MYOF: variants seen among roughly 807,000 people sequenced by gnomAD.
MYOF encodes myoferlin, also known as fer-1-like 3, myoferlin.
Under a neutral mutation model 284.2 loss-of-function variants are expected in MYOF, and 244 were observed. The observed-to-expected ratio is 0.86, with a 90% CI of 0.77 to 0.95. MYOF has a LOEUF of 0.95. MYOF is among the 40% of genes least tolerant of loss of function. The pLI, the probability that MYOF is intolerant of heterozygous loss-of-function variation, is 0.00. For missense variants in MYOF, 2,496 were observed against 2,560.6 expected, an observed-to-expected ratio of 0.97 and a Z score of 0.54; for synonymous variants, 904 against 919.7, an observed-to-expected ratio of 0.98 and a Z score of 0.31.
intron 1 of MYOF, among the ~76,000 whole-genome samples, chr10:93,476,754 A>C (rs1312276594): frequency 6.6e-6 from 1 of 152,224 alleles, no homozygotes; most frequent in Non-Finnish European, 1.5e-5. Context: ...AAGACTACAA[A>C]GTTTGATATG....
In MYOF at chr10:93,344,263, C is replaced by T. The variant is rs368773069; in HGVS notation, c.4250-331G>A. Among the ~76,000 whole-genome samples, 6 of 152,206 alleles carry T rather than the reference C, an allele frequency of 3.9e-5. No homozygotes were observed. The East Asian group carries it at 9.7e-4, about 25-fold the overall frequency. On this transcript the variant is annotated intron_variant, in intron 37 of 53. Coordinates refer to ENST00000359263, the MANE Select transcript of MYOF (RefSeq NM_013451.4). Reference sequence around the variant, plus strand: ...GAGGGTGCAGGAGTAAGTGGGGAACCGACATTTTTTAATTTCAATAGCTTT... The same window carrying T: ...GAGGGTGCAGGAGTAAGTGGGGAACTGACATTTTTTAATTTCAATAGCTTT...
At chr10:93,317,292 T>C (rs1842655168) in intron 49 of MYOF, among the ~76,000 whole-genome samples, 2 of 144,572 alleles carry the variant, frequency 1.4e-5, no homozygotes, top group Non-Finnish European at 3.0e-5. Context: ...AGATTCTACT[T>C]CTGCTCTTTT....
intron 51 of MYOF, among the ~76,000 whole-genome samples, chr10:93,311,346 A>G (rs979157115): frequency 6.6e-6 from 1 of 151,808 alleles, no homozygotes; most frequent in African/African-American, 2.4e-5. Flanking sequence ...GCAGTGGCTT[A>G]TGCCTGTAAT....
chr10:93,397,541 T>TTA, intron 13 of MYOF, 85 bp from the exon 14 acceptor site: 1 of 968,984 alleles, frequency 1.0e-6, no homozygotes, highest in Admixed American at 2.8e-5. Flanking sequence ...GATTATGACT[T>TTA]TAGCAGTTTA....
Position 93,359,721 on chromosome 10 carries a change from T to G in MYOF, c.3120+112A>C, listed in dbSNP as rs569987317. 1.6e-5 allele frequency: 22 copies of G among 1,399,490 alleles called. No homozygotes were observed. The East Asian group carries it at 4.4e-4, about 28-fold the overall frequency. The allele number at this position is 1,399,490 out of a possible 1,614,324, so 86.7% of individuals were successfully genotyped here. A position where few individuals can be genotyped will look rare whatever the true frequency, so the allele number is the denominator to read the frequency against. ...TCACTTTGAGAACCCTTGAGTGGAG[T>G]GTTAGGCTCTGGATTTGCAAATAAT... On this transcript the variant is annotated intron_variant, in intron 29 of 53. Coordinates refer to ENST00000359263, the MANE Select transcript of MYOF (RefSeq NM_013451.4).
At chr10:93,443,168 AT>A (rs57907640) in intron 3 of MYOF, among the ~76,000 whole-genome samples, 28 of 151,912 alleles carry the variant, frequency 1.8e-4, no homozygotes, top group African/African-American at 6.0e-4. Context: ...CTCACAAAAA[AT>A]TTTTTTTAAA....
At position 93,380,097 on chromosome 10, in the gene MYOF, T is replaced by C. The variant is rs1309176917; in HGVS notation, c.1877-110A>G. On this transcript the variant is annotated intron_variant, in intron 20 of 53. Transcript: ENST00000359263. ...CTGATTAATCCACAGGCTTGGGGAA[T>C]AGCTTGAGGTGGTCTGGTTCTTTAA... The C allele has an allele frequency of 6.8e-6, 9 of 1,328,652 alleles. No homozygotes were observed. In the African/African-American group the frequency reaches 1.3e-4, roughly 20 times the overall value. The allele number at this position is 1,328,652 out of a possible 1,614,324, so 82.3% of individuals were successfully genotyped here. A position where few individuals can be genotyped will look rare whatever the true frequency, so the allele number is the denominator to read the frequency against.
chr10:93,455,084 G>C (rs2056707084), intron 2 of MYOF, among the ~76,000 whole-genome samples: 1 of 149,112 alleles, frequency 6.7e-6, no homozygotes. Context: ...GAGGTCGACA[G>C]TTCGAGACCA....
At chr10:93,373,970 C>T (rs138148607) in intron 23 of MYOF, among the ~76,000 whole-genome samples, 263 of 152,296 alleles carry the variant, frequency 1.7e-3, no homozygotes, top group African/African-American at 5.9e-3. Flanking sequence ...ATCAACTCAT[C>T]ATTTACGTTA....
intron 5 of MYOF, among the ~76,000 whole-genome samples, chr10:93,420,479 T>C (rs1386866768): frequency 6.6e-6 from 1 of 152,152 alleles, no homozygotes; most frequent in Non-Finnish European, 1.5e-5. Flanking sequence ...TGCCCTAAGG[T>C]CTCTACCTTT....
At chr10:93,400,624 T>C (rs1847240338) in intron 12 of MYOF, among the ~76,000 whole-genome samples, 1 of 151,922 alleles carries the variant, frequency 6.6e-6, no homozygotes, top group Non-Finnish European at 1.5e-5. Context: ...TCCTGGGGAC[T>C]TGGAGAAGGG....
chr10:93,372,480 C>T (rs577908034), intron 24 of MYOF, among the ~76,000 whole-genome samples: 47 of 152,206 alleles, frequency 3.1e-4, no homozygotes, highest in Non-Finnish European at 4.7e-4. Flanking sequence ...CCTAAAGTTA[C>T]GATTGTCAAA....
intron 1 of MYOF, among the ~76,000 whole-genome samples, chr10:93,460,582 G>C (rs1589604861): frequency 8.8e-4 from 1 of 1,132 alleles, no homozygotes; most frequent in African/African-American, 9.4e-4. Context: ...TGGACAACAT[G>C]GGTGAAACCC....
At chr10:93,396,359 T>C (rs1489596181) in intron 15 of MYOF, 135 bp from the exon 16 acceptor site, 2 of 590,708 alleles carry the variant, frequency 3.4e-6, no homozygotes, top group East Asian at 6.0e-5. Context: ...TAATCACGTC[T>C]AGTGGGCCTC....
At chr10:93,348,540 G>GCTAGT (rs1158216867) in intron 36 of MYOF, among the ~76,000 whole-genome samples, 1 of 152,128 alleles carries the variant, frequency 6.6e-6, no homozygotes, top group African/African-American at 2.4e-5. Context: ...GCTGACCAAG[G>GCTAGT]CTAGATTCCA....
intron 51 of MYOF, among the ~76,000 whole-genome samples, chr10:93,311,949 A>G (rs1409531272): frequency 4.6e-5 from 7 of 152,230 alleles, no homozygotes; most frequent in African/African-American, 1.7e-4. Flanking sequence ...GGGAGGGAGC[A>G]ATGGACTGCA....
At chr10:93,455,674 T>TA (rs536136291) in intron 2 of MYOF, among the ~76,000 whole-genome samples, 406 of 150,900 alleles carry the variant, frequency 2.7e-3, no homozygotes, top group Non-Finnish European at 5.2e-3. Flanking sequence ...AACAAACAAA[T>TA]AAAAAAAAAC....
At chr10:93,406,006 G>T (rs916097467) in intron 7 of MYOF, among the ~76,000 whole-genome samples, 3 of 151,338 alleles carry the variant, frequency 2.0e-5, no homozygotes, top group Non-Finnish European at 2.9e-5. Context: ...CACCCAGGCT[G>T]GAGTGCAGTG....
chr10:93,385,216 G>A (rs937297156), intron 19 of MYOF, among the ~76,000 whole-genome samples: 1 of 152,192 alleles, frequency 6.6e-6, no homozygotes, highest in Non-Finnish European at 1.5e-5. Context: ...GCAGGGCAGA[G>A]GTTCCAGAAG....
Sources: gnomAD v4.1 joint callset for allele counts (sites outside exome capture counted in the v4.1 genomes callset) on GRCh38, gnomAD v4.1.1 for gene constraint, MANE v1.5 for transcripts, NCBI Gene and HGNC (gene_info 2026-07-23, HGNC 2026-07-21) for gene names.